FAM83B: variants seen among roughly 807,000 people sequenced by gnomAD.
FAM83B encodes the protein scaffolding CK1 anchoring protein B.
Under a neutral mutation model 38.8 loss-of-function variants are expected in FAM83B, and 26 were observed. The ratio of observed to expected loss-of-function variants is 0.67; its 90% CI spans 0.49 to 0.93. The LOEUF (loss-of-function observed/expected upper bound fraction) is 0.93, where lower values mean the gene tolerates loss of function less well. Ranked by LOEUF, FAM83B falls within the 40% of genes least tolerant of loss-of-function variation. The probability of loss-of-function intolerance (pLI) is 0.00; values close to 1 mark genes in which losing one functional copy is unlikely to be tolerated. For missense variants in FAM83B, 1,237 were observed against 1,197.3 expected (o/e 1.03, Z -0.49); for synonymous variants, 419 against 423.1 (o/e 0.99, Z 0.12).
intron 2 of FAM83B, among the ~76,000 whole-genome samples, chr6:54,874,578 T>A (rs1771945451): frequency 6.6e-6 from 1 of 152,138 alleles, no homozygotes; most frequent in African/African-American, 2.4e-5. Context: ...TATGAAAACA[T>A]CCCCTCTAAT....
At chr6:54,861,793 A>G (rs984235802) in intron 1 of FAM83B, among the ~76,000 whole-genome samples, 1 of 152,118 alleles carries the variant, frequency 6.6e-6, no homozygotes, top group African/African-American at 2.4e-5. Flanking sequence ...TATTTCTGCA[A>G]CCGGTTACAG....
intron 2 of FAM83B, among the ~76,000 whole-genome samples, chr6:54,912,383 A>T (rs1209050751): frequency 6.6e-6 from 1 of 151,258 alleles, no homozygotes; most frequent in Non-Finnish European, 1.5e-5. Flanking sequence ...ACCTGAATTC[A>T]TAAAGGAAGT....
chr6:54,926,483 A>G lies in FAM83B; in HGVS notation c.557A>G (p.Asn186Ser), dbSNP rs776875325. The G allele has an allele frequency of 3.1e-6, 5 of 1,609,672 alleles. No individual in the cohort carries two copies. The East Asian group carries it at 8.9e-5, about 29-fold the overall frequency. Reference sequence around the variant, plus strand: ...ATTCTGCTTGATGAGTCCAATTTTAATCATTTTCTAAATATGACTGAGAAA... The same window carrying G: ...ATTCTGCTTGATGAGTCCAATTTTAGTCATTTTCTAAATATGACTGAGAAA... ...VYILLDESNF[N>S]HFLNMTEKQG... Residue 186 changes from asparagine to serine, a missense_variant, in exon 3 of 5, where the codon AAT becomes AGT. By Grantham distance (46) the Asn-to-Ser change is conservative. Coordinates refer to ENST00000306858, the MANE Select transcript of FAM83B (RefSeq NM_001010872.3).
intron 1 of FAM83B, among the ~76,000 whole-genome samples, chr6:54,850,535 A>G (rs554190687): frequency 1.3e-5 from 2 of 152,302 alleles, no homozygotes; most frequent in African/African-American, 4.8e-5. Context: ...CTACTTGGAG[A>G]AGAAAAGGCA....
At chr6:54,927,859 T>G (rs1773338290) in intron 4 of FAM83B, among the ~76,000 whole-genome samples, 1 of 151,986 alleles carries the variant, frequency 6.6e-6, no homozygotes, top group East Asian at 1.9e-4. Flanking sequence ...GAGCTTCAGA[T>G]TGTTCATCCA....
At chr6:54,852,288 G>A (rs74913149) in intron 1 of FAM83B, among the ~76,000 whole-genome samples, 11,071 of 152,250 alleles carry the variant, frequency 0.073, 416 homozygotes, top group South Asian at 0.12. Context: ...TTTTCCAACA[G>A]CACATGCTCA....
intron 2 of FAM83B, among the ~76,000 whole-genome samples, chr6:54,910,877 G>T (rs1035376231): frequency 1.3e-5 from 2 of 151,436 alleles, no homozygotes; most frequent in East Asian, 1.9e-4. Flanking sequence ...TTGAAGAACT[G>T]TTTTTTTTCC....
chr6:54,907,228 T>C (rs963280096), intron 2 of FAM83B, among the ~76,000 whole-genome samples: 4 of 152,172 alleles, frequency 2.6e-5, no homozygotes, highest in Non-Finnish European at 5.9e-5. Context: ...ATTAGTCTTA[T>C]TATGTTTTTA....
At chr6:54,914,439 T>G (rs970150459) in intron 2 of FAM83B, among the ~76,000 whole-genome samples, 1 of 152,140 alleles carries the variant, frequency 6.6e-6, no homozygotes, top group African/African-American at 2.4e-5. Flanking sequence ...ATTTTTTTCT[T>G]ATGCTGATTT....
chr6:54,936,955 A>G (rs920342912), intron 4 of FAM83B, among the ~76,000 whole-genome samples: 14 of 141,396 alleles, frequency 9.9e-5, no homozygotes, highest in African/African-American at 3.5e-4. Context: ...CATGCTTCCT[A>G]TAGGCATACT....
chr6:54,921,454 T>C (rs1490831025), intron 2 of FAM83B, among the ~76,000 whole-genome samples: 1 of 151,930 alleles, frequency 6.6e-6, no homozygotes. Flanking sequence ...AGACCGTTAA[T>C]ACTAAAAGAT....
chr6:54,907,293 A>C (rs997381940), intron 2 of FAM83B, among the ~76,000 whole-genome samples: 2 of 152,128 alleles, frequency 1.3e-5, no homozygotes, highest in African/African-American at 4.8e-5. Context: ...AGAATATGCT[A>C]TTTTTCGTAG....
At chr6:54,856,616 G>T (rs1771452556) in intron 1 of FAM83B, among the ~76,000 whole-genome samples, 2 of 152,082 alleles carry the variant, frequency 1.3e-5, no homozygotes, top group Non-Finnish European at 1.5e-5. Context: ...ACTTCCCTGT[G>T]TGCAAGTGCT....
chr6:54,913,664 C>A (rs239820), intron 2 of FAM83B, among the ~76,000 whole-genome samples: 7,186 of 151,312 alleles, frequency 0.047, 216 homozygotes, highest in Non-Finnish European at 0.066. Flanking sequence ...GAAAAAAAAA[C>A]CATGAGAAGA....
intron 1 of FAM83B, among the ~76,000 whole-genome samples, chr6:54,862,057 G>A (rs1397449781): frequency 1.3e-5 from 2 of 152,148 alleles, no homozygotes; most frequent in African/African-American, 4.8e-5. Context: ...TCAGACATTA[G>A]GGTCTAAGAA....
intron 2 of FAM83B, among the ~76,000 whole-genome samples, chr6:54,876,928 CCAAA>C (rs1271569643): frequency 1.3e-5 from 2 of 152,056 alleles, no homozygotes; most frequent in African/African-American, 2.4e-5. Context: ...AAAATAAAAA[CCAAA>C]CAGTTACTTA....
At chr6:54,850,761 G>A (rs1373084762) in intron 1 of FAM83B, among the ~76,000 whole-genome samples, 5 of 152,010 alleles carry the variant, frequency 3.3e-5, no homozygotes, top group Non-Finnish European at 5.9e-5. Context: ...TGGCTCACAC[G>A]TGTAATCCCA....
chr6:54,851,858 G>A (rs1037845285), intron 1 of FAM83B, among the ~76,000 whole-genome samples: 6 of 151,428 alleles, frequency 4.0e-5, no homozygotes, highest in East Asian at 3.9e-4. Flanking sequence ...CGTTTTAGCC[G>A]GGATGGTCTC....
intron 2 of FAM83B, among the ~76,000 whole-genome samples, chr6:54,921,046 A>G (rs970103582): frequency 1.3e-5 from 2 of 151,874 alleles, no homozygotes; most frequent in African/African-American, 2.4e-5. Flanking sequence ...TTGTTAGAAT[A>G]TTACCCTCAT....
Sources: allele counts gnomAD v4.1 joint callset (sites outside exome capture counted in the v4.1 genomes callset), GRCh38; gene constraint gnomAD v4.1.1; transcripts MANE v1.5; gene names NCBI Gene and HGNC (gene_info 2026-07-23, HGNC 2026-07-21).